The following PDE4D variants were observed in gnomAD, a reference collection of about 807,000 sequenced individuals.
The protein encoded by PDE4D is 3',5'-cyclic-AMP phosphodiesterase 4D.
Under a neutral mutation model 87.4 loss-of-function variants are expected in PDE4D, and 24 were observed. That is an observed-to-expected ratio of 0.27 (90% CI 0.20 to 0.39). The LOEUF is 0.39. PDE4D is among the 10% of genes least tolerant of loss of function. The pLI is 1.00. For missense variants in PDE4D, 714 were observed against 1,041.0 expected, an observed-to-expected ratio of 0.69 and a Z score of 4.32; for synonymous variants, 384 against 383.2, an observed-to-expected ratio of 1.00 and a Z score of -0.02.
chr5:58,987,527 T>G (rs1049010154), intron 11 of PDE4D, among the ~76,000 whole-genome samples: 10 of 152,194 alleles, frequency 6.6e-5, no homozygotes, highest in African/African-American at 2.4e-4. Context: ...TCTACATTCC[T>G]TCTTTAAATC....
intron 1 of PDE4D, among the ~76,000 whole-genome samples, chr5:60,501,208 T>A (rs976575445): frequency 6.6e-6 from 1 of 152,112 alleles, no homozygotes; most frequent in African/African-American, 2.4e-5. Context: ...TGTCCATGTG[T>A]TCTCATTGTT....
At chr5:59,130,263 G>A (rs1353789520) in intron 5 of PDE4D, among the ~76,000 whole-genome samples, 1 of 152,126 alleles carries the variant, frequency 6.6e-6, no homozygotes. Flanking sequence ...TCTTCTCCCT[G>A]AGACAAACAT....
At chr5:59,172,222 A>C (rs188303058) in intron 5 of PDE4D, among the ~76,000 whole-genome samples, 2,190 of 115,112 alleles carry the variant, frequency 0.019, 28 homozygotes, top group South Asian at 0.098. Flanking sequence ...ATATATAATA[A>C]ATATATAATA....
At chr5:59,903,302 C>G (rs1354463173) in intron 3 of PDE4D, among the ~76,000 whole-genome samples, 1 of 151,772 alleles carries the variant, frequency 6.6e-6, no homozygotes, top group African/African-American at 2.4e-5. Context: ...GCGGGGTTTG[C>G]AGGCAAGAGA....
chr5:59,829,461 G>C (rs569195510), intron 1 of PDE4D, among the ~76,000 whole-genome samples: 1 of 152,004 alleles, frequency 6.6e-6, no homozygotes, highest in South Asian at 2.1e-4. Context: ...TGTGTGGGGG[G>C]CTGGCAGCTC....
intron 1 of PDE4D, among the ~76,000 whole-genome samples, chr5:60,396,091 C>T (rs1369815025): frequency 6.6e-6 from 1 of 152,190 alleles, no homozygotes; most frequent in Non-Finnish European, 1.5e-5. Context: ...TGCACTGGTA[C>T]AGGGCTACAT....
chr5:59,441,712 T>C (rs890607502), intron 1 of PDE4D, among the ~76,000 whole-genome samples: 3 of 152,236 alleles, frequency 2.0e-5, no homozygotes, highest in Non-Finnish European at 2.9e-5. Context: ...ATATTCTTCA[T>C]TTACATGCCA....
At chr5:60,130,199 A>G (rs964572420) in intron 2 of PDE4D, among the ~76,000 whole-genome samples, 9 of 152,174 alleles carry the variant, frequency 5.9e-5, no homozygotes, top group African/African-American at 2.2e-4. Flanking sequence ...TACCTAGTCT[A>G]TGGCATTTTG....
At chr5:59,481,616 T>A (rs1438611663) in intron 1 of PDE4D, among the ~76,000 whole-genome samples, 1 of 152,026 alleles carries the variant, frequency 6.6e-6, no homozygotes, top group African/African-American at 2.4e-5. Flanking sequence ...AGTTTTAAAA[T>A]CCCGGAACCT....
chr5:59,804,798 G>A (rs1168243947), intron 1 of PDE4D, among the ~76,000 whole-genome samples: 1 of 151,904 alleles, frequency 6.6e-6, no homozygotes, highest in African/African-American at 2.4e-5. Context: ...TCTATTTTTT[G>A]TTTTTTCTTT....
At chr5:59,377,638 A>C (rs975177868) in intron 1 of PDE4D, among the ~76,000 whole-genome samples, 9 of 152,178 alleles carry the variant, frequency 5.9e-5, no homozygotes, top group African/African-American at 2.2e-4. Flanking sequence ...ACAAGAAAAA[A>C]CAACCCCATT....
intron 1 of PDE4D, among the ~76,000 whole-genome samples, chr5:60,273,134 G>A (rs1750988192): frequency 6.6e-6 from 1 of 152,180 alleles, no homozygotes; most frequent in South Asian, 2.1e-4. Context: ...AACAAGTAAA[G>A]AGGGAACTGA....
At chr5:59,532,281 C>T (rs187245177) in intron 1 of PDE4D, among the ~76,000 whole-genome samples, 190 of 152,096 alleles carry the variant, frequency 1.2e-3, no homozygotes, top group African/African-American at 4.2e-3. Context: ...ATTACAGGCA[C>T]CTGCCACCAC....
chr5:59,498,631 T>C (rs1352040072), intron 1 of PDE4D, among the ~76,000 whole-genome samples: 2 of 151,900 alleles, frequency 1.3e-5, no homozygotes, highest in African/African-American at 4.8e-5. Context: ...GGATCACTAT[T>C]CTAATATCAG....
chr5:59,274,805 C>T (rs1413554604), intron 1 of PDE4D, among the ~76,000 whole-genome samples: 1 of 151,988 alleles, frequency 6.6e-6, no homozygotes, highest in Non-Finnish European at 1.5e-5. Context: ...TACTAGGAAT[C>T]ATTTCTAATA....
At chr5:59,318,608 A>G (rs989471202) in intron 1 of PDE4D, among the ~76,000 whole-genome samples, 5 of 152,200 alleles carry the variant, frequency 3.3e-5, no homozygotes, top group Non-Finnish European at 5.9e-5. Flanking sequence ...TAGTCAACGA[A>G]GCAGACCACA....
chr5:60,376,657 G>T (rs1583569319), intron 1 of PDE4D, among the ~76,000 whole-genome samples: 1 of 152,146 alleles, frequency 6.6e-6, no homozygotes, highest in South Asian at 2.1e-4. Flanking sequence ...ATGTGATCCT[G>T]GTCACTCTTC....
At chr5:59,522,071 T>C (rs1812343516) in intron 1 of PDE4D, among the ~76,000 whole-genome samples, 1 of 152,202 alleles carries the variant, frequency 6.6e-6, no homozygotes, top group African/African-American at 2.4e-5. Flanking sequence ...ATTTCCCATG[T>C]TCACAAATTT....
At chr5:59,438,215 A>G (rs1299178573) in intron 1 of PDE4D, among the ~76,000 whole-genome samples, 1 of 152,236 alleles carries the variant, frequency 6.6e-6, no homozygotes, top group Non-Finnish European at 1.5e-5. Flanking sequence ...GTGGGTACAC[A>G]GCCAAATCAT....
Sources: gnomAD v4.1 joint callset for allele counts (sites outside exome capture counted in the v4.1 genomes callset) on GRCh38, gnomAD v4.1.1 for gene constraint, MANE v1.5 for transcripts, NCBI Gene and HGNC (gene_info 2026-07-23, HGNC 2026-07-21) for gene names.